CAPN15: variants seen among roughly 807,000 people sequenced by gnomAD.
CAPN15 encodes the protein calpain-15.
CAPN15 carries 53 observed loss-of-function variants against 97.9 expected under a neutral mutation model. The ratio of observed to expected loss-of-function variants is 0.54; its 90% CI spans 0.43 to 0.68. The LOEUF is 0.68. CAPN15 is among the 30% of genes least tolerant of loss of function. The pLI, the probability that CAPN15 is intolerant of heterozygous loss-of-function variation, is 0.00. For synonymous variants in CAPN15, 922 were observed against 722.5 expected, an observed-to-expected ratio of 1.28 and a Z score of -4.43; for missense variants, 1,592 against 1,589.8, an observed-to-expected ratio of 1.00 and a Z score of -0.02.
At position 542,912 on chromosome 16, in the gene CAPN15, G is replaced by C. The variant is rs118047778; in HGVS notation, c.-22-3905G>C. 7.6e-4 allele frequency among the ~76,000 whole-genome samples: 116 copies of C among 152,300 alleles called. 1 individual carries two copies. In the Middle Eastern group the frequency reaches 0.01, roughly 13 times the overall value. ...CTACTAAAACAAAAATTAGCTGGGC[G>C]TGGTGACGGGCACCTATAATCCTAG... On this transcript the variant is annotated intron_variant, in intron 3 of 13. Transcript: ENST00000219611.
At chr16:530,162 TGCGGTTCTCATGTGACCCTGTA>T (rs2033148466) in intron 1 of CAPN15, among the ~76,000 whole-genome samples, 1 of 152,214 alleles carries the variant, frequency 6.6e-6, no homozygotes, top group African/African-American at 2.4e-5. Context: ...CTGAGGTCTG[TGCGGTTCTCATGTGACCCTGTA>T]GCTGGTCCCT....
In CAPN15 at chr16:553,474, C is replaced by CA; in HGVS notation, c.3220dup (p.Thr1074AsnfsTer44). 6.2e-7 allele frequency: 1 copy of CA among 1,611,192 alleles called. No individual in the cohort carries two copies. Among genetic ancestry groups the CA allele is most frequent in the Non-Finnish European group, 8.5e-7 (1 of 1,179,164 alleles). On this transcript the variant is annotated frameshift_variant, in exon 14 of 14. Transcript: ENST00000219611. LOFTEE classifies it high-confidence loss of function. ...CCAAGGGGACCCACAGCCCCCCACT[C>CA]ACGCCAGAGGTCGCCGGTCTGCATG...
At chr16:540,357 GC>G in intron 3 of CAPN15, 1 of 985,522 alleles carries the variant, frequency 1.0e-6, no homozygotes, top group East Asian at 1.1e-4. Context: ...AGCCCCCACG[GC>G]CCCGGGCCCG....
chr16:548,282 C>A lies in CAPN15; in HGVS notation c.1444C>A (p.Arg482=). Residue 482 remains arginine, a synonymous_variant, in exon 4 of 14, where the codon CGG becomes AGG. Transcript: ENST00000219611. ...ALWENIVAFC[R]ENNVSFVDDS... is the part of the protein sequence containing the mutation. ...CTGGGAGAACATCGTGGCCTTCTGC[C>A]GGGAGGTGAGGCGCCCCCTCGCCCT... The A allele has an allele frequency of 6.7e-7, 1 of 1,503,068 alleles. No homozygotes were observed. Among genetic ancestry groups the A allele is most frequent in the Non-Finnish European group, 8.9e-7 (1 of 1,127,680 alleles). The allele number at this position is 1,503,068 out of a possible 1,614,324, so 93.1% of individuals were successfully genotyped here.
intron 9 of CAPN15, 142 bp from the exon 10 acceptor site, chr16:551,909 C>G (rs1024910440): frequency 8.6e-6 from 9 of 1,041,478 alleles, no homozygotes. Flanking sequence ...CAGGGATGGG[C>G]CCCCGGGGGC....
At chr16:533,283 A>G (rs956418338) in intron 1 of CAPN15, among the ~76,000 whole-genome samples, 2 of 152,238 alleles carry the variant, frequency 1.3e-5, no homozygotes, top group African/African-American at 4.8e-5. Flanking sequence ...TGAGGAGTCC[A>G]TGGTGGGCCC....
intron 3 of CAPN15, among the ~76,000 whole-genome samples, chr16:542,907 T>A (rs143406522): frequency 1.3e-5 from 2 of 152,100 alleles, no homozygotes; most frequent in African/African-American, 2.4e-5. Context: ...AAAAATTAGC[T>A]GGGCGTGGTG....
chr16:540,539 C>T (rs540141832), intron 3 of CAPN15, among the ~76,000 whole-genome samples: 16 of 152,220 alleles, frequency 1.1e-4, no homozygotes, highest in Admixed American at 2.0e-4. Context: ...TCTGAGACCC[C>T]GGCCTCGGCC....
Position 535,863 on chromosome 16 carries a change from G to A in CAPN15, c.-136-166G>A, listed in dbSNP as rs765702531. ...GGAGCAGCACAGATGCTTGGCCGGCGGCAGGCCCTACAGGAGCAGCAGCGG... is the reference window on the plus strand; with the variant it reads ...GGAGCAGCACAGATGCTTGGCCGGCAGCAGGCCCTACAGGAGCAGCAGCGG... On this transcript the variant is annotated intron_variant, in intron 2 of 13. Coordinates refer to ENST00000219611, the MANE Select transcript of CAPN15 (RefSeq NM_005632.3). This position sits in a 1 kb window ranked among gnomAD's most constrained non-coding sequence, Gnocchi z 6.2. Among the ~76,000 whole-genome samples the A allele has an allele frequency of 6.6e-6, 1 of 152,130 alleles. No individual in the cohort carries two copies. Among genetic ancestry groups the A allele is most frequent in the Non-Finnish European group, 1.5e-5 (1 of 68,000 alleles).
chr16:552,456 C>T lies in CAPN15; in HGVS notation c.2663C>T (p.Pro888Leu). 1 of 1,609,906 alleles carries T rather than the reference C, an allele frequency of 6.2e-7. No homozygotes were observed. The highest frequency in any genetic ancestry group is 1.1e-5 in the South Asian group (1 of 91,084). ...KFVSCDVMLE[P>L]GEYAVVCCAF... ...GTCAGCTGCGACGTCATGCTGGAGC[C>T]TGGCGAGTACGCTGTGGTGTGCTGC... Residue 888 changes from proline to leucine, a missense_variant, in exon 11 of 14, where the codon CCT (proline) becomes CTT (leucine). This residue lies in a region of CAPN15 where 644 missense variants were observed against 699.6 expected (regional missense o/e 0.92). Transcript: ENST00000219611. The surrounding 1 kb of genome is among the most constrained non-coding windows in gnomAD (Gnocchi z 6.4).
At chr16:544,543 C>T (rs1351632599) in intron 3 of CAPN15, among the ~76,000 whole-genome samples, 2 of 152,140 alleles carry the variant, frequency 1.3e-5, no homozygotes, top group African/African-American at 2.4e-5. Flanking sequence ...ACGCAGCGAG[C>T]GGCTTCATCA....
At position 552,341 on chromosome 16, in the gene CAPN15, A is replaced by T; in HGVS notation, c.2548A>T (p.Ile850Phe). The T allele has an allele frequency of 6.3e-7, 1 of 1,590,486 alleles. No homozygotes were observed. The highest frequency in any genetic ancestry group is 1.1e-5 in the South Asian group (1 of 88,944). Residue 850 changes from isoleucine (I) to phenylalanine (F), a missense_variant, in exon 11 of 14, where the codon ATC becomes TTC. Transcript: ENST00000219611. This position sits in a 1 kb window ranked among gnomAD's most constrained non-coding sequence, Gnocchi z 6.4. ...AVDSHLLDLC[I>F]LVFRATFGSG... ...GGACAGCCACCTGCTGGACCTGTGC[A>T]TCCTGGTGTTCCGGGCCACGTTCGG... is the stretch of plus-strand genomic sequence containing the variant.
intron 1 of CAPN15, among the ~76,000 whole-genome samples, chr16:530,605 G>T (rs187302922): frequency 1.6e-4 from 25 of 152,320 alleles, no homozygotes; most frequent in African/African-American, 6.0e-4. Flanking sequence ...CACTATGTGG[G>T]TCACACACAG....
chr16:530,133 C>A (rs1363082022), intron 1 of CAPN15, among the ~76,000 whole-genome samples: 5 of 152,228 alleles, frequency 3.3e-5, no homozygotes, highest in African/African-American at 1.2e-4. Flanking sequence ...GCCTCTCATG[C>A]CCCACGCTGG....
chr16:546,799 G>T lies in CAPN15; in HGVS notation c.-22-18G>T. On this transcript the variant is annotated intron_variant, in intron 3 of 13. Transcript: ENST00000219611. Reference sequence around the variant, plus strand: ...CAGGACCTCACAGGGTGGCCCTGATGAGCACCTTCCCTTGCAGCCACACCC... The same window carrying T: ...CAGGACCTCACAGGGTGGCCCTGATTAGCACCTTCCCTTGCAGCCACACCC... 1.3e-6 allele frequency: 2 copies of T among 1,562,122 alleles called. No homozygotes were observed. The highest frequency in any genetic ancestry group is 2.4e-5 in the South Asian group (2 of 82,462).
rs564750815 is a variant in CAPN15, at chr16:535,068, C to T, written c.-136-961C>T. Among the ~76,000 whole-genome samples, 2 of 152,220 alleles carry T rather than the reference C, an allele frequency of 1.3e-5. No homozygotes were observed. Among genetic ancestry groups the T allele is most frequent in the East Asian group, 1.9e-4 (1 of 5,176 alleles). ...GTGCCGCCCGCGCAAGGCTGGGGGT[C>T]GCTGTGCCAGCCCTGCTCCCATGTG... On this transcript the variant is annotated intron_variant, in intron 2 of 13. Coordinates refer to ENST00000219611, the MANE Select transcript of CAPN15 (RefSeq NM_005632.3). This position sits in a 1 kb window ranked among gnomAD's most constrained non-coding sequence, Gnocchi z 6.2.
intron 3 of CAPN15, chr16:539,331 G>C (rs562109473): frequency 1.3e-5 from 2 of 152,440 alleles, no homozygotes; most frequent in East Asian, 3.9e-4. Context: ...TCTTGGCAGG[G>C]AGAGGGGAGT....
chr16:532,943 G>A (rs915067309), intron 1 of CAPN15, among the ~76,000 whole-genome samples: 2 of 149,722 alleles, frequency 1.3e-5, no homozygotes, highest in African/African-American at 4.9e-5. Context: ...GTGAGGGGCC[G>A]GGCATGGTGG....
At chr16:538,888 C>T (rs1313486362) in intron 3 of CAPN15, 6 of 151,144 alleles carry the variant, frequency 4.0e-5, no homozygotes, top group East Asian at 2.0e-4. Context: ...CCCCCCAGCC[C>T]GCTCACCTAG....
Sources: gnomAD v4.1 joint callset for allele counts (sites outside exome capture counted in the v4.1 genomes callset) on GRCh38, gnomAD v4.1.1 for gene constraint, gnomAD v4.1.1 regional missense constraint, Gnocchi (gnomAD v3.1) non-coding constraint, MANE v1.5 for transcripts, NCBI Gene and HGNC (gene_info 2026-07-23, HGNC 2026-07-21) for gene names.